Variants in RAPGEF4 observed in about 807,000 individuals in gnomAD.
RAPGEF4 encodes RAP guanine-nucleotide-exchange factor (GEF) 4.
A neutral mutation model predicts 147.9 loss-of-function variants in RAPGEF4; 66 were observed. The observed-to-expected ratio is 0.45, with a 90% CI of 0.37 to 0.55. The LOEUF is 0.55. Among genes scored for constraint, RAPGEF4 ranks in the 20% least tolerant of loss-of-function variants. The pLI, the probability that RAPGEF4 is intolerant of heterozygous loss-of-function variation, is 0.00. For missense variants in RAPGEF4, 1,071 were observed against 1,257.3 expected (o/e 0.85, Z 2.24); for synonymous variants, 419 against 442.7 (o/e 0.95, Z 0.67).
intron 1 of RAPGEF4, among the ~76,000 whole-genome samples, chr2:172,742,192 T>C (rs1694359043): frequency 6.6e-6 from 1 of 152,248 alleles, no homozygotes; most frequent in African/African-American, 2.4e-5. Flanking sequence ...ACGTTAGTTC[T>C]CTAATATAAT....
chr2:172,848,166 A>G (rs1013977486), intron 4 of RAPGEF4, among the ~76,000 whole-genome samples: 3 of 152,118 alleles, frequency 2.0e-5, no homozygotes, highest in African/African-American at 7.2e-5. Flanking sequence ...TGCTTGAGAC[A>G]CCCCAAATAT....
chr2:173,017,291 G>A, intron 20 of RAPGEF4, 87 bp downstream of exon 20: 1 of 1,510,698 alleles, frequency 6.6e-7, no homozygotes, highest in Non-Finnish European at 9.2e-7. Flanking sequence ...ACATAAAAGT[G>A]ATTTCTTTTT....
At position 172,767,935 on chromosome 2, in the gene RAPGEF4, C is replaced by T. The variant is rs970531347; in HGVS notation, c.66-27090C>T. ...TCGGCTGACTGCAACCTCAGCCTCC[C>T]GAGTAGCTGGGATTACAGGCGCCTG... On this transcript the variant is annotated intron_variant, in intron 1 of 30. Transcript: ENST00000397081. Among the ~76,000 whole-genome samples the T allele has an allele frequency of 4.6e-5, 7 of 152,188 alleles. No homozygotes were observed. The South Asian group carries it at 6.2e-4, about 14-fold the overall frequency.
At chr2:172,928,470 C>T (rs1409004043) in intron 6 of RAPGEF4, 2 of 252,464 alleles carry the variant, frequency 7.9e-6, no homozygotes, top group Admixed American at 9.4e-5. Flanking sequence ...GTGTTGGTTG[C>T]TTTTGAATGT....
chr2:172,802,357 G>A (rs940419616), intron 3 of RAPGEF4, among the ~76,000 whole-genome samples: 2 of 152,176 alleles, frequency 1.3e-5, no homozygotes, highest in African/African-American at 2.4e-5. Flanking sequence ...CATGGCAGAA[G>A]GCAAGGATGA....
chr2:172,780,112 G>A (rs534310629), intron 1 of RAPGEF4, among the ~76,000 whole-genome samples: 1 of 152,066 alleles, frequency 6.6e-6, no homozygotes, highest in East Asian at 1.9e-4. Flanking sequence ...AATTTTCCCT[G>A]TACACCTCTG....
chr2:172,922,490 A>G (rs1402651807), intron 6 of RAPGEF4, among the ~76,000 whole-genome samples, 190 bp downstream of exon 6: 1 of 152,234 alleles, frequency 6.6e-6, no homozygotes, highest in Non-Finnish European at 1.5e-5. Context: ...TTGCTCTGAC[A>G]TGGTCGTCAC....
chr2:173,034,112 G>T, intron 27 of RAPGEF4, 148 bp downstream of exon 27: 1 of 690,252 alleles, frequency 1.4e-6, no homozygotes, highest in South Asian at 2.3e-5. Flanking sequence ...GCTAAAACAA[G>T]CATGTCTGAC....
intron 6 of RAPGEF4, among the ~76,000 whole-genome samples, chr2:172,949,183 A>C (rs1206709915): frequency 6.6e-6 from 1 of 152,222 alleles, no homozygotes; most frequent in Non-Finnish European, 1.5e-5. Flanking sequence ...TGCCACTTCC[A>C]GCTAAAAACT....
chr2:172,917,178 G>A (rs955764217), intron 4 of RAPGEF4, among the ~76,000 whole-genome samples: 1 of 152,174 alleles, frequency 6.6e-6, no homozygotes, highest in African/African-American at 2.4e-5. Flanking sequence ...AGCAAGCTTG[G>A]ACCAAAAGTC....
chr2:172,754,308 G>A (rs1237745816), intron 1 of RAPGEF4, among the ~76,000 whole-genome samples: 1 of 152,056 alleles, frequency 6.6e-6, no homozygotes, highest in Non-Finnish European at 1.5e-5. Context: ...AGATCATGTG[G>A]CTTAAGTTTT....
intron 1 of RAPGEF4, among the ~76,000 whole-genome samples, chr2:172,774,344 T>C (rs1427343844): frequency 6.6e-6 from 1 of 152,204 alleles, no homozygotes; most frequent in Admixed American, 6.5e-5. Context: ...CAGAATAAAG[T>C]CTGTGCCTGA....
intron 14 of RAPGEF4, among the ~76,000 whole-genome samples, chr2:172,989,400 C>T (rs1389066987): frequency 6.8e-6 from 1 of 147,164 alleles, no homozygotes; most frequent in African/African-American, 2.4e-5. Context: ...AGGGCTTTAT[C>T]TCAAATTGTT....
Position 172,988,764 on chromosome 2 carries a change from T to C in RAPGEF4, c.1299T>C (p.Ala433=). Reference sequence around the variant, plus strand: ...CACTAGTGAATGATGCCCCACGAGCTGCCTCTATCGTCTTACGAGAAGATA... The same window carrying C: ...CACTAGTGAATGATGCCCCACGAGCCGCCTCTATCGTCTTACGAGAAGATA... ...KLALVNDAPR[A]ASIVLREDNC... The change falls in exon 14 of 31, where the codon GCT becomes GCC. Residue 433 remains alanine, a synonymous_variant. Coordinates refer to ENST00000397081, the MANE Select transcript of RAPGEF4 (RefSeq NM_007023.4). 6.2e-7 allele frequency: 1 copy of C among 1,612,482 alleles called. No individual in the cohort carries two copies. The highest frequency in any genetic ancestry group is 8.5e-7 in the Non-Finnish European group (1 of 1,178,400).
Position 172,967,437 on chromosome 2 carries a change from C to T in RAPGEF4, c.997C>T (p.Arg333Cys), listed in dbSNP as rs369456567. The change falls in exon 10 of 31, where the codon CGC becomes TGC. Residue 333 changes from arginine (R) to cysteine (C), a missense_variant. Arg to Cys is a radical substitution (Grantham distance 180). Transcript: ENST00000397081. ...GPDAHMRMIL[R>C]KPPGQRTVDD... is the part of the protein sequence containing the mutation. ...CGACGCCCACATGAGGATGATCCTT[C>T]GCAAACCGTGAGTGAGAGCTCGTGG... The T allele has an allele frequency of 5.6e-6, 9 of 1,610,772 alleles. No homozygotes were observed. The highest frequency in any genetic ancestry group is 3.3e-5 in the South Asian group (3 of 90,786).
At chr2:173,015,628 T>C (rs567052343) in intron 18 of RAPGEF4, among the ~76,000 whole-genome samples, 4 of 152,244 alleles carry the variant, frequency 2.6e-5, no homozygotes, top group Admixed American at 2.6e-4. Flanking sequence ...ACCCGCTGAG[T>C]ACAGGACCAT....
intron 1 of RAPGEF4, among the ~76,000 whole-genome samples, chr2:172,757,566 C>T (rs1695897201): frequency 6.6e-6 from 1 of 152,160 alleles, no homozygotes; most frequent in South Asian, 2.1e-4. Context: ...TGCTTTTAAT[C>T]CTTTGGATTT....
intron 4 of RAPGEF4, among the ~76,000 whole-genome samples, chr2:172,847,324 A>G (rs745338947): frequency 3.3e-5 from 5 of 152,154 alleles, no homozygotes; most frequent in Non-Finnish European, 5.9e-5. Flanking sequence ...AGAGCAGACT[A>G]TTTAGGGAAA....
At chr2:172,871,313 A>T (rs940058683) in intron 4 of RAPGEF4, among the ~76,000 whole-genome samples, 2 of 152,290 alleles carry the variant, frequency 1.3e-5, no homozygotes, top group South Asian at 4.1e-4. Flanking sequence ...GGCCCTTGGC[A>T]GAGTGTTTTG....
Sources: allele counts gnomAD v4.1 joint callset (sites outside exome capture counted in the v4.1 genomes callset), GRCh38; gene constraint gnomAD v4.1.1; transcripts MANE v1.5; gene names NCBI Gene and HGNC (gene_info 2026-07-23, HGNC 2026-07-21).